Variants in SPIRE1 observed in about 807,000 individuals in gnomAD.
The protein encoded by SPIRE1 is spire type actin nucleation factor 1, also known as protein spire homolog 1.
SPIRE1 carries 40 observed loss-of-function variants against 94.1 expected under a neutral mutation model. That is an observed-to-expected ratio of 0.43 (90% CI 0.33 to 0.55). The LOEUF (loss-of-function observed/expected upper bound fraction) is 0.55. Ranked by LOEUF, SPIRE1 falls within the 20% of genes least tolerant of loss-of-function variation. The pLI is 0.06. For missense variants in SPIRE1, 838 were observed against 975.2 expected, an observed-to-expected ratio of 0.86 and a Z score of 1.87; for synonymous variants, 376 against 371.7, an observed-to-expected ratio of 1.01 and a Z score of -0.13.
chr18:12,571,945 A>G (rs1413463264), intron 2 of SPIRE1, among the ~76,000 whole-genome samples: 2 of 152,252 alleles, frequency 1.3e-5, no homozygotes, highest in Non-Finnish European at 2.9e-5. Context: ...TCATGGGAGC[A>G]TATAACAGGG....
chr18:12,450,853 T>C (rs1350652373), intron 16 of SPIRE1: 4 of 735,120 alleles, frequency 5.4e-6, no homozygotes, highest in South Asian at 4.1e-5. Context: ...TAAATGACAG[T>C]GAAAAGCAGC....
At chr18:12,521,728 G>C (rs2034365719) in intron 4 of SPIRE1, among the ~76,000 whole-genome samples, 1 of 151,960 alleles carries the variant, frequency 6.6e-6, no homozygotes, top group South Asian at 2.1e-4. Context: ...TGCTCACTTT[G>C]TATCTTTCTG....
intron 2 of SPIRE1, among the ~76,000 whole-genome samples, chr18:12,557,418 G>A (rs989033138): frequency 3.3e-5 from 5 of 152,182 alleles, no homozygotes; most frequent in African/African-American, 9.6e-5. Flanking sequence ...GCCCAGGGCC[G>A]TTGCTGCCAG....
At chr18:12,659,065 A>G (rs1213356274), upstream of SPIRE1, among the ~76,000 whole-genome samples, 1 of 152,206 alleles carries the variant, frequency 6.6e-6, no homozygotes, top group African/African-American at 2.4e-5. Flanking sequence ...AATAAAACAG[A>G]TAATTCTTAA....
chr18:12,465,690 T>C (rs568526756), intron 10 of SPIRE1, among the ~76,000 whole-genome samples: 89 of 152,336 alleles, frequency 5.8e-4, no homozygotes, highest in Non-Finnish European at 1.2e-3. Flanking sequence ...CACTGATGTA[T>C]GTCCAGTACC....
At chr18:12,612,725 C>T (rs1333211046) in intron 2 of SPIRE1, among the ~76,000 whole-genome samples, 1 of 152,234 alleles carries the variant, frequency 6.6e-6, no homozygotes, top group Non-Finnish European at 1.5e-5. Context: ...CCTAACTCAC[C>T]TGCCTCTAAC....
chr18:12,624,530 A>G (rs9967123), intron 2 of SPIRE1, among the ~76,000 whole-genome samples: 78,143 of 139,794 alleles, frequency 0.56, 22,963 homozygotes, highest in Middle Eastern at 0.74. Context: ...GTGACAGAGC[A>G]AGACACTGAC....
Position 12,549,436 on chromosome 18 carries a change from G to GTTTTTTTT in SPIRE1, c.373-2533_373-2532insAAAAAAAA, listed in dbSNP as rs1345452411. Among the ~76,000 whole-genome samples the GTTTTTTTT allele has an allele frequency of 9.2e-4, 48 of 51,914 alleles. 2 individuals are homozygous for GTTTTTTTT. Among genetic ancestry groups the GTTTTTTTT allele is most frequent in the Non-Finnish European group, 1.5e-3 (40 of 26,820 alleles). 34.1% of individuals were successfully genotyped at this position (51,914 alleles called of 152,430 possible). A position where few individuals can be genotyped will look rare whatever the true frequency, so the allele number is the denominator to read the frequency against. On this transcript the variant is annotated intron_variant, in intron 2 of 16. Transcript: ENST00000409402. ...TTGCTTTTTGTTTGTTTTTGTTATTGTTGTTTTTTTTTTTTTTTTTTTTTT... is the reference window on the plus strand; with the variant it reads ...TTGCTTTTTGTTTGTTTTTGTTATTGTTTTTTTTTTGTTTTTTTTTTTTTTTTTTTTTT...
intron 10 of SPIRE1, among the ~76,000 whole-genome samples, chr18:12,467,340 TATC>T (rs1051032085): frequency 1.1e-4 from 16 of 152,286 alleles, no homozygotes; most frequent in African/African-American, 3.8e-4. Context: ...TTTTGGGACT[TATC>T]ATGAACACCA....
chr18:12,621,723 C>T (rs1488941380), intron 2 of SPIRE1, among the ~76,000 whole-genome samples: 1 of 152,076 alleles, frequency 6.6e-6, no homozygotes, highest in Non-Finnish European at 1.5e-5. Context: ...CTAAAAGGTA[C>T]CACATTTCTT....
chr18:12,573,320 T>C (rs2036005194), intron 2 of SPIRE1, among the ~76,000 whole-genome samples: 1 of 151,938 alleles, frequency 6.6e-6, no homozygotes, highest in Non-Finnish European at 1.5e-5. Context: ...AAATATAAAA[T>C]ACTCGTAACA....
intron 10 of SPIRE1, among the ~76,000 whole-genome samples, chr18:12,466,945 CA>C (rs774660790): frequency 3.9e-5 from 6 of 152,072 alleles, no homozygotes; most frequent in Admixed American, 1.3e-4. Context: ...GGTCAAAGAA[CA>C]GGGCGGAAAA....
chr18:12,472,073 T>C (rs1054779331), intron 10 of SPIRE1, among the ~76,000 whole-genome samples: 2 of 152,030 alleles, frequency 1.3e-5, no homozygotes, highest in East Asian at 3.9e-4. Flanking sequence ...GTGTGAGCCA[T>C]TGCGCATGGC....
chr18:12,652,229 C>T (rs766025264), intron 1 of SPIRE1, among the ~76,000 whole-genome samples: 1 of 151,966 alleles, frequency 6.6e-6, no homozygotes, highest in Non-Finnish European at 1.5e-5. Flanking sequence ...TTCTAAAGAC[C>T]CTGTATACCA....
At chr18:12,498,466 T>C (rs2033540361) in intron 6 of SPIRE1, among the ~76,000 whole-genome samples, 1 of 152,164 alleles carries the variant, frequency 6.6e-6, no homozygotes, top group African/African-American at 2.4e-5. Context: ...CAGGCTGGTC[T>C]TGAACTCCTG....
chr18:12,479,878 A>G lies in SPIRE1; in HGVS notation c.1232-7T>C, dbSNP rs200863139. 24 of 1,610,316 alleles carry G rather than the reference A, an allele frequency of 1.5e-5. No individual in the cohort carries two copies. The highest frequency in any genetic ancestry group is 2.0e-5 in the Non-Finnish European group (23 of 1,178,860). ...GATTCAGGGGTAGTCACATCTGGTAAAAAAGCAAAAGCTTACCTTTTCTTG... is the reference window on the plus strand; with the variant it reads ...GATTCAGGGGTAGTCACATCTGGTAGAAAAGCAAAAGCTTACCTTTTCTTG... On this transcript the variant is annotated splice_region_variant and splice_polypyrimidine_tract_variant and intron_variant, in intron 9 of 16. Transcript: ENST00000409402.
chr18:12,644,198 CA>C (rs58693692), intron 1 of SPIRE1, among the ~76,000 whole-genome samples: 95 of 88,658 alleles, frequency 1.1e-3, no homozygotes, highest in East Asian at 6.3e-3. Flanking sequence ...AACTCCATCT[CA>C]AAAAAAAAAA....
chr18:12,495,708 G>A (rs967712877), intron 7 of SPIRE1, among the ~76,000 whole-genome samples: 16 of 152,164 alleles, frequency 1.1e-4, no homozygotes, highest in African/African-American at 3.6e-4. Flanking sequence ...GGGCAACATG[G>A]CAAAACCACA....
chr18:12,461,482 A>ATGTGTG (rs1568183895), intron 12 of SPIRE1, among the ~76,000 whole-genome samples: 40 of 55,840 alleles, frequency 7.2e-4, no homozygotes, highest in South Asian at 5.4e-3. Context: ...ACGTACATAC[A>ATGTGTG]TATGTGTGTA....
Sources: gnomAD v4.1 joint callset for allele counts (sites outside exome capture counted in the v4.1 genomes callset) on GRCh38, gnomAD v4.1.1 for gene constraint, MANE v1.5 for transcripts, NCBI Gene and HGNC (gene_info 2026-07-23, HGNC 2026-07-21) for gene names.